PC: variants seen among roughly 807,000 people sequenced by gnomAD.
The protein encoded by PC is pyruvate carboxylase, mitochondrial.
Under a neutral mutation model 107.8 loss-of-function variants are expected in PC, and 46 were observed. The observed-to-expected ratio is 0.43, with a 90% CI of 0.34 to 0.55. PC has a LOEUF of 0.55. PC is among the 20% of genes least tolerant of loss of function. The pLI, the probability that PC is intolerant of heterozygous loss-of-function variation, is 0.04. For synonymous variants in PC, 662 were observed against 684.7 expected, an observed-to-expected ratio of 0.97 and a Z score of 0.52; for missense variants, 1,241 against 1,643.1, an observed-to-expected ratio of 0.76 and a Z score of 4.23.
At chr11:66,928,441 T>C (rs1187329872) in intron 3 of PC, among the ~76,000 whole-genome samples, 5 of 148,882 alleles carry the variant, frequency 3.4e-5, no homozygotes, top group African/African-American at 1.2e-4. Flanking sequence ...CCTACCAAGA[T>C]GAACTTGGCA....
intron 18 of PC, 49 bp downstream of exon 18, chr11:66,850,625 T>C: frequency 6.2e-7 from 1 of 1,602,230 alleles, no homozygotes; most frequent in African/African-American, 1.3e-5. Flanking sequence ...GGACTGGTGG[T>C]GGCTGCGGCT....
chr11:66,879,415 A>C (rs1286719769), intron 3 of PC, among the ~76,000 whole-genome samples: 1 of 152,188 alleles, frequency 6.6e-6, no homozygotes, highest in African/African-American at 2.4e-5. Flanking sequence ...CACCCCAAAC[A>C]AAAGTAGTTG....
At chr11:66,930,400 G>C (rs1323597140) in intron 3 of PC, among the ~76,000 whole-genome samples, 9 of 152,168 alleles carry the variant, frequency 5.9e-5, no homozygotes, top group Admixed American at 2.0e-4. Context: ...TCCACTCCTA[G>C]TTTATACCCC....
In PC at chr11:66,852,497, C is replaced by A. The variant is rs143725101; in HGVS notation, c.1767G>T (p.Lys589Asn). ...AGTTGTGGGCAACATAGGGGGCGAT[C>A]TTTTTGAGATCGTGGGTGCGCACAC... ...ATRVRTHDLKKIAPYVAHNFS... is the reference protein window; with the variant it reads ...ATRVRTHDLKNIAPYVAHNFS... The change falls in exon 15 of 23, where the codon AAG (lysine) becomes AAT (asparagine). Residue 589 changes from lysine (K) to asparagine (N), a missense_variant. By Grantham distance (94) the Lys-to-Asn change is moderately conservative. Around this residue, in one of 2 missense-constraint regions of PC, gnomAD observed 1,143 missense variants for 1,551.9 expected, o/e 0.74. Transcript: ENST00000393960. This position sits in a 1 kb window ranked among gnomAD's most constrained non-coding sequence, Gnocchi z 4.7. 16 of 1,613,948 alleles carry A rather than the reference C, an allele frequency of 9.9e-6. No individual in the cohort carries two copies. The African/African-American group carries it at 1.7e-4, about 18-fold the overall frequency.
chr11:66,922,142 T>C (rs750553824), intron 3 of PC, among the ~76,000 whole-genome samples: 22 of 151,288 alleles, frequency 1.5e-4, no homozygotes, highest in Non-Finnish European at 2.5e-4. Flanking sequence ...GAGAGGAGAG[T>C]GTGGGGCTGG....
At position 66,872,096 on chromosome 11, in the gene PC, C is replaced by T. The variant is rs767170503; in HGVS notation, c.64G>A (p.Ala22Thr). The T allele has an allele frequency of 5.7e-6, 9 of 1,571,362 alleles. No individual in the cohort carries two copies. Among genetic ancestry groups the T allele is most frequent in the East Asian group, 2.4e-5 (1 of 42,260 alleles). The change falls in exon 4 of 23, where the codon GCC becomes ACC. Residue 22 changes from alanine to threonine, a missense_variant. Coordinates refer to ENST00000393960, the MANE Select transcript of PC (RefSeq NM_001040716.2). ...CGGACATTTGGGGAGGCAGCGGGGG[C>T]GGTGGAGGTTCGGCGGATTCCCAGG... is the stretch of plus-strand genomic sequence containing the variant. ...RLLGIRRTST[A>T]PAASPNVRRL...
intron 3 of PC, among the ~76,000 whole-genome samples, chr11:66,883,373 C>G (rs890703144): frequency 6.6e-6 from 1 of 152,202 alleles, no homozygotes; most frequent in Non-Finnish European, 1.5e-5. Flanking sequence ...CCTGCCGACC[C>G]TGCAGCACGG....
chr11:66,889,495 C>G (rs182990749), intron 3 of PC, among the ~76,000 whole-genome samples: 2 of 151,938 alleles, frequency 1.3e-5, no homozygotes, highest in Non-Finnish European at 2.9e-5. Context: ...CTCAGCCTCC[C>G]GAGTAGCTGG....
chr11:66,939,382 A>AGG (rs11393123), intron 3 of PC, among the ~76,000 whole-genome samples: 190 of 151,926 alleles, frequency 1.3e-3, no homozygotes, highest in African/African-American at 3.7e-3. Context: ...TGGCATCCAT[A>AGG]GGGGGGTCTT....
chr11:66,865,020 CTG>C (rs1009838215), intron 11 of PC, among the ~76,000 whole-genome samples: 10 of 152,216 alleles, frequency 6.6e-5, no homozygotes, highest in African/African-American at 2.4e-4. Context: ...TAAAAATACT[CTG>C]TGATGAGGCA....
chr11:66,884,922 G>A (rs1947307887), intron 3 of PC, among the ~76,000 whole-genome samples: 1 of 152,148 alleles, frequency 6.6e-6, no homozygotes, highest in Non-Finnish European at 1.5e-5. Flanking sequence ...GCAGACACTT[G>A]CAGGTGGCCC....
intron 3 of PC, among the ~76,000 whole-genome samples, chr11:66,946,466 TAAAAATAC>T (rs1180212385): frequency 6.6e-6 from 1 of 151,690 alleles, no homozygotes; most frequent in African/African-American, 2.4e-5. Context: ...CCGTCTCTAC[TAAAAATAC>T]AAAAATTAGC....
At chr11:66,948,361 T>C (rs1949356325) in intron 3 of PC, among the ~76,000 whole-genome samples, 1 of 152,104 alleles carries the variant, frequency 6.6e-6, no homozygotes, top group South Asian at 2.1e-4. Flanking sequence ...AACTAACCTA[T>C]AGTAACAGAA....
chr11:66,929,211 C>T (rs1208594731), intron 3 of PC, among the ~76,000 whole-genome samples: 1 of 152,142 alleles, frequency 6.6e-6, no homozygotes, highest in Non-Finnish European at 1.5e-5. Flanking sequence ...CAGGCCCAGG[C>T]ATAGTACTAA....
chr11:66,911,226 C>G (rs1226500376), intron 3 of PC, among the ~76,000 whole-genome samples: 1 of 152,134 alleles, frequency 6.6e-6, no homozygotes, highest in Admixed American at 6.5e-5. Flanking sequence ...AGGCTAAGAA[C>G]AGAATGTCAG....
In PC at chr11:66,892,573, G is replaced by A. The variant is rs1049519227; in HGVS notation, c.1-20414C>T. 1.4e-4 allele frequency among the ~76,000 whole-genome samples: 21 copies of A among 152,268 alleles called. 1 individual carries two copies. Among genetic ancestry groups the A allele is most frequent in the Admixed American group, 9.8e-4 (15 of 15,294 alleles). ...AACTTTAAGAAAAATGTCGCCGGGC[G>A]CGGTGGCTCACGCCTGTAGTCCCAG... On this transcript the variant is annotated intron_variant, in intron 3 of 22. Transcript: ENST00000393960.
At chr11:66,947,084 T>C (rs1949316603) in intron 3 of PC, among the ~76,000 whole-genome samples, 1 of 152,030 alleles carries the variant, frequency 6.6e-6, no homozygotes. Flanking sequence ...ATTTGGCAGT[T>C]CAAGTTAAAC....
chr11:66,849,096 C>T lies in PC; in HGVS notation c.3340G>A (p.Ala1114Thr). Reference sequence around the variant, plus strand: ...TCTATCACCTTCCCAGGCATGGGCGCCCCGATCTGGCCCTTCACGTCCTTT... The same window carrying T: ...TCTATCACCTTCCCAGGCATGGGCGTCCCGATCTGGCCCTTCACGTCCTTT... ...ALKDVKGQIG[A>T]PMPGKVIDIK... Residue 1114 changes from alanine (A) to threonine (T), a missense_variant, in exon 23 of 23, where the codon GCG becomes ACG. Ala to Thr is a moderately conservative substitution (Grantham distance 58). Transcript: ENST00000393960. The T allele has an allele frequency of 1.9e-6, 3 of 1,614,104 alleles. No homozygotes were observed. The highest frequency in any genetic ancestry group is 1.1e-5 in the South Asian group (1 of 91,092).
chr11:66,946,719 G>A (rs1949304975), intron 3 of PC, among the ~76,000 whole-genome samples: 1 of 152,078 alleles, frequency 6.6e-6, no homozygotes, highest in African/African-American at 2.4e-5. Context: ...AGCATGGGAG[G>A]TCGAGGCTGC....
Sources: gnomAD v4.1 joint callset for allele counts (sites outside exome capture counted in the v4.1 genomes callset) on GRCh38, gnomAD v4.1.1 for gene constraint, gnomAD v4.1.1 regional missense constraint, Gnocchi (gnomAD v3.1) non-coding constraint, MANE v1.5 for transcripts, NCBI Gene and HGNC (gene_info 2026-07-23, HGNC 2026-07-21) for gene names.